The following SP140 variants were observed in gnomAD, a reference collection of about 807,000 sequenced individuals.
SP140 encodes the protein SP140 nuclear body protein.
A neutral mutation model predicts 125.0 loss-of-function variants in SP140; 81 were observed. The observed-to-expected ratio is 0.65, with a 90% CI of 0.54 to 0.78. The LOEUF is 0.78. Ranked by LOEUF, SP140 falls within the 30% of genes least tolerant of loss-of-function variation. The pLI is 0.00. For missense variants in SP140, 858 were observed against 1,037.0 expected, an observed-to-expected ratio of 0.83 and a Z score of 2.37; for synonymous variants, 312 against 354.0, an observed-to-expected ratio of 0.88 and a Z score of 1.33.
intron 17 of SP140, among the ~76,000 whole-genome samples, chr2:230,287,038 A>G (rs1333700666): frequency 6.6e-6 from 1 of 152,214 alleles, no homozygotes; most frequent in Non-Finnish European, 1.5e-5. Context: ...CTTGGAAAAT[A>G]AAACACATTT....
At chr2:230,307,736 G>T (rs1159513905) in intron 22 of SP140, among the ~76,000 whole-genome samples, 1 of 152,058 alleles carries the variant, frequency 6.6e-6, no homozygotes, top group Non-Finnish European at 1.5e-5. Flanking sequence ...GCAGGCCCTT[G>T]GTAGGTATGC....
chr2:230,192,948 T>C, the SP140 span, among the ~76,000 whole-genome samples: 2 of 152,330 alleles, frequency 1.3e-5, no homozygotes, highest in East Asian at 3.9e-4. Context: ...GACAGTGGAA[T>C]ACTGAAGTTC....
At chr2:230,268,765 G>T (rs2053507313) in intron 12 of SP140, among the ~76,000 whole-genome samples, 1 of 152,166 alleles carries the variant, frequency 6.6e-6, no homozygotes, top group Admixed American at 6.5e-5. Context: ...CAGTAGGTCA[G>T]AAAAATGACC....
Position 230,255,526 on chromosome 2 carries a change from G to A in SP140, c.1234G>A (p.Gly412Arg). The A allele has an allele frequency of 6.4e-7, 1 of 1,570,988 alleles. No individual in the cohort carries two copies. The highest frequency in any genetic ancestry group is 8.6e-7 in the Non-Finnish European group (1 of 1,166,398). The stretch of plus-strand genomic sequence containing the variant: ...AGCCTCTAGCTCCCTAGCAAGACGT[G>A]GGTCAGGTAAGGACGGGGGGGGGGA... The part of the protein sequence containing the change: ...QEASSSLARR[G>R]SVSSELENHP... Residue 412 changes from glycine to arginine, a missense_variant, in exon 12 of 27, where the codon GGG (glycine) becomes AGG (arginine). Physicochemically the swap from Gly to Arg is moderately radical, Grantham distance 125. Around this residue, in one of 4 missense-constraint regions of SP140, gnomAD observed 791 missense variants for 869.5 expected, o/e 0.91. Transcript: ENST00000392045.
At chr2:230,236,148 T>C (rs1057142265) in intron 1 of SP140, among the ~76,000 whole-genome samples, 1 of 152,202 alleles carries the variant, frequency 6.6e-6, no homozygotes, top group Non-Finnish European at 1.5e-5. Flanking sequence ...GTGCTGGGAT[T>C]ACAGGCGTGA....
intron 1 of SP140, among the ~76,000 whole-genome samples, chr2:230,232,779 T>C (rs1480372129): frequency 6.6e-6 from 1 of 152,234 alleles, no homozygotes; most frequent in Non-Finnish European, 1.5e-5. Context: ...ACATTTTGTG[T>C]ATCTTTGTTC....
chr2:230,221,900 G>A, upstream of SP140: 3 of 643,738 alleles, frequency 4.7e-6, no homozygotes, highest in Non-Finnish European at 8.3e-6. Flanking sequence ...AAAGACAGCT[G>A]CGAATGAGGA....
intron 8 of SP140, among the ~76,000 whole-genome samples, chr2:230,248,585 G>A (rs897073761): frequency 1.3e-5 from 2 of 152,104 alleles, no homozygotes; most frequent in Non-Finnish European, 2.9e-5. Context: ...AATAGAAAAG[G>A]GATATGGTAT....
chr2:230,306,981 C>A (rs2058823232), intron 22 of SP140, among the ~76,000 whole-genome samples: 2 of 152,206 alleles, frequency 1.3e-5, no homozygotes, highest in Admixed American at 1.3e-4. Context: ...CAAAGGCCTG[C>A]TCATGGTAAC....
At chr2:230,262,509 T>C (rs1364876127) in intron 12 of SP140, among the ~76,000 whole-genome samples, 4 of 152,176 alleles carry the variant, frequency 2.6e-5, no homozygotes, top group African/African-American at 9.6e-5. Flanking sequence ...TGGTTTGTTC[T>C]TGTTTCTCTA....
intron 1 of SP140, chr2:230,208,044 CT>C: frequency 1.3e-6 from 2 of 1,553,000 alleles, no homozygotes; most frequent in Non-Finnish European, 1.8e-6. Flanking sequence ...CCAGATACAT[CT>C]TTTTCTTTTC....
At chr2:230,204,105 A>C (rs191472196) in intron 1 of SP140, among the ~76,000 whole-genome samples, 8 of 152,374 alleles carry the variant, frequency 5.3e-5, no homozygotes, top group Non-Finnish European at 1.0e-4. Context: ...AAAAAACCTG[A>C]AAAATTTCAT....
rs533561299 is a variant in SP140 at position 230,257,624 on chromosome 2, G to T, written c.1240+2092G>T. ...TCTACTAAAAATACAAAAATTAGCT[G>T]GTTGTGGTCGAGCACACCTGTAGTC... On this transcript the variant is annotated intron_variant, in intron 12 of 26. Transcript: ENST00000392045. 2.6e-5 allele frequency among the ~76,000 whole-genome samples: 4 copies of T among 152,178 alleles called. No homozygotes were observed. The South Asian group carries it at 6.2e-4, about 24-fold the overall frequency.
intron 9 of SP140, 51 bp downstream of exon 9, chr2:230,249,019 T>G (rs1263169924): frequency 6.8e-7 from 1 of 1,472,942 alleles, no homozygotes; most frequent in African/African-American, 1.4e-5. Context: ...TGTTTTCTAG[T>G]TGGCATGGAA....
chr2:230,202,571 A>C, upstream of SP140: 1 of 1,613,698 alleles, frequency 6.2e-7, no homozygotes, highest in South Asian at 1.1e-5. Context: ...TTCCATCATC[A>C]GCCTTACCCT....
In SP140 at chr2:230,237,328, A is replaced by C; in HGVS notation, c.237+68A>C. 4.1e-6 allele frequency: 6 copies of C among 1,466,914 alleles called. No homozygotes were observed. The highest frequency in any genetic ancestry group is 4.7e-6 in the Non-Finnish European group (5 of 1,062,264). 90.9% of individuals were successfully genotyped at this position (1,466,914 alleles called of 1,614,324 possible). The stretch of plus-strand genomic sequence containing the variant: ...CAATTATGCCAAACTTCAAGATGCA[A>C]TGAGCAGGCTAAAGGGCCTCCTGTG... On this transcript the variant is annotated intron_variant, in intron 2 of 26. Transcript: ENST00000392045. The surrounding 1 kb of genome is among the most constrained non-coding windows in gnomAD (Gnocchi z 5.4).
the SP140 span, among the ~76,000 whole-genome samples, chr2:230,187,474 A>G: frequency 6.6e-6 from 1 of 152,080 alleles, no homozygotes; most frequent in Admixed American, 6.5e-5. Flanking sequence ...TTCCTTTGCT[A>G]CGAAGAAGCG....
intron 7 of SP140, among the ~76,000 whole-genome samples, chr2:230,247,523 A>G (rs2049645799): frequency 6.6e-6 from 1 of 152,166 alleles, no homozygotes; most frequent in Non-Finnish European, 1.5e-5. Flanking sequence ...GGACTGGAGC[A>G]ACAGCCTCTA....
intron 1 of SP140, chr2:230,209,949 T>G: frequency 6.2e-7 from 1 of 1,606,594 alleles, no homozygotes; most frequent in Non-Finnish European, 8.5e-7. Context: ...TCTGAAGGTG[T>G]GCTGGACACC....
Sources: gnomAD v4.1 joint callset for allele counts (sites outside exome capture counted in the v4.1 genomes callset) on GRCh38, gnomAD v4.1.1 for gene constraint, gnomAD v4.1.1 regional missense constraint, Gnocchi (gnomAD v3.1) non-coding constraint, MANE v1.5 for transcripts, NCBI Gene and HGNC (gene_info 2026-07-23, HGNC 2026-07-21) for gene names.